The following UBE2M variants were observed in gnomAD, a reference collection of about 807,000 sequenced individuals.
The protein encoded by UBE2M is NEDD8-conjugating enzyme Ubc12.
UBE2M carries 2 observed loss-of-function variants against 23.5 expected under a neutral mutation model. The observed-to-expected ratio is 0.09, with a 90% CI of 0.03 to 0.27. UBE2M has a LOEUF of 0.27. Ranked by LOEUF, UBE2M falls within the 10% of genes least tolerant of loss-of-function variation. The pLI is 1.00. For missense variants in UBE2M, 103 were observed against 232.9 expected, an observed-to-expected ratio of 0.44 and a Z score of 3.63; for synonymous variants, 97 against 95.2, an observed-to-expected ratio of 1.02 and a Z score of -0.11.
chr19:58,557,974 A>C (rs2053903588), intron 1 of UBE2M, among the ~76,000 whole-genome samples: 1 of 150,760 alleles, frequency 6.6e-6, no homozygotes, highest in Admixed American at 6.6e-5. Flanking sequence ...TAACCCCCAG[A>C]CTCTCGAGTC....
intron 2 of UBE2M, 37 bp downstream of exon 2, chr19:58,557,026 G>A (rs763643174): frequency 6.2e-7 from 1 of 1,613,806 alleles, no homozygotes; most frequent in South Asian, 1.1e-5. Flanking sequence ...GGACACCCTT[G>A]GTTTGCTCCT....
In UBE2M at chr19:58,556,396, T is replaced by TTA. The variant is rs758645653; in HGVS notation, c.348-18_348-17insTA. 3 of 1,612,906 alleles carry TTA rather than the reference T, an allele frequency of 1.9e-6. No homozygotes were observed. Among genetic ancestry groups the TTA allele is most frequent in the Admixed American group, 3.3e-5 (2 of 60,006 alleles). On this transcript the variant is annotated splice_polypyrimidine_tract_variant and intron_variant, in intron 4 of 5. Transcript: ENST00000253023. The surrounding 1 kb of genome is among the most constrained non-coding windows in gnomAD (Gnocchi z 4.9). The stretch of plus-strand genomic sequence containing the variant: ...CAGTCCTCTCTGTGGACAGAGAGCA[T>TTA]CAGGGTCAGGGCTTGGTGAGTGGGA...
rs750499185 is a variant in UBE2M, at chr19:58,558,425, C to T, written c.-44G>A. The stretch of plus-strand genomic sequence containing the variant: ...GCTGCCGCCGCCGCGGGGCCCGGGA[C>T]CCCGGCCACCCGGCCCCCCGCCGCC... On this transcript the variant is annotated 5_prime_UTR_variant, in exon 1 of 6. Coordinates refer to ENST00000253023, the MANE Select transcript of UBE2M (RefSeq NM_003969.4). The surrounding 1 kb of genome is among the most constrained non-coding windows in gnomAD (Gnocchi z 4.7). 3.0e-6 allele frequency: 3 copies of T among 1,006,724 alleles called. No individual in the cohort carries two copies. Among genetic ancestry groups the T allele is most frequent in the African/African-American group, 1.8e-5 (1 of 57,020 alleles). 62.4% of individuals were successfully genotyped at this position (1,006,724 alleles called of 1,614,324 possible). A position where few individuals can be genotyped will look rare whatever the true frequency, so the allele number is the denominator to read the frequency against.
rs555141749 is a variant in UBE2M, at chr19:58,558,405, C to A, written c.-24G>T. On this transcript the variant is annotated 5_prime_UTR_variant, in exon 1 of 6. Coordinates refer to ENST00000253023, the MANE Select transcript of UBE2M (RefSeq NM_003969.4). This position sits in a 1 kb window ranked among gnomAD's most constrained non-coding sequence, Gnocchi z 4.7. ...ATCCTGCCGCCGCCGCCGCCGCTGC[C>A]GCCGCCGCGGGGCCCGGGACCCCGG... 3 of 1,278,046 alleles carry A rather than the reference C, an allele frequency of 2.3e-6. No homozygotes were observed. The highest frequency in any genetic ancestry group is 3.1e-5 in the African/African-American group (2 of 64,356). The allele number at this position is 1,278,046 out of a possible 1,614,324, so 79.2% of individuals were successfully genotyped here.
chr19:58,558,222 CA>C lies in UBE2M; in HGVS notation c.109+50del. 6.6e-7 allele frequency: 1 copy of C among 1,519,998 alleles called. No individual in the cohort carries two copies. The allele number at this position is 1,519,998 out of a possible 1,614,324, so 94.2% of individuals were successfully genotyped here. On this transcript the variant is annotated intron_variant, in intron 1 of 5. Coordinates refer to ENST00000253023, the MANE Select transcript of UBE2M (RefSeq NM_003969.4). The surrounding 1 kb of genome is among the most constrained non-coding windows in gnomAD (Gnocchi z 4.7). ...TCCTGACTCCCACATCACCCTGCCT[CA>C]GGCCCTGACCTCCGACCTCCGGCTC...
Position 58,557,084 on chromosome 19 carries a change from C to T in UBE2M, c.183G>A (p.Lys61=). ...FSDPDDLLNF[K]LVICPDEGFY... ...TCACCTCATCAGGACAGATGACCAG[C>T]TTGAAGTTGAGGAGGTCGTCTGGAT... Residue 61 remains lysine (K), a synonymous_variant, in exon 2 of 6, where the codon AAG becomes AAA. Transcript: ENST00000253023. 2 of 1,614,026 alleles carry T rather than the reference C, an allele frequency of 1.2e-6. No homozygotes were observed. The highest frequency in any genetic ancestry group is 1.7e-6 in the Non-Finnish European group (2 of 1,179,960).
Position 58,557,176 on chromosome 19 carries a change from G to A in UBE2M, c.110-19C>T, listed in dbSNP as rs748542564. 13 of 1,612,120 alleles carry A rather than the reference G, an allele frequency of 8.1e-6. No individual in the cohort carries two copies. The highest frequency in any genetic ancestry group is 8.5e-7 in the Non-Finnish European group (1 of 1,178,596). ...TTTATGTCTGGGTTTGGGTAGCAGA[G>A]AGTCGGGAACAGAAAGAGGGAGGGG... is the stretch of plus-strand genomic sequence containing the variant. On this transcript the variant is annotated intron_variant, in intron 1 of 5. Coordinates refer to ENST00000253023, the MANE Select transcript of UBE2M (RefSeq NM_003969.4).
At position 58,556,068 on chromosome 19, in the gene UBE2M, G is replaced by A. The variant is rs759170283; in HGVS notation, c.*21C>T. ...GGATGCCAGGGCTTGTGGCCGTGGC[G>A]GGGGTGGGTATGCGCCAACCCTATT... On this transcript the variant is annotated 3_prime_UTR_variant, in exon 6 of 6. Coordinates refer to ENST00000253023, the MANE Select transcript of UBE2M (RefSeq NM_003969.4). This position sits in a 1 kb window ranked among gnomAD's most constrained non-coding sequence, Gnocchi z 4.9. 7.5e-6 allele frequency: 12 copies of A among 1,589,996 alleles called. No homozygotes were observed. Among genetic ancestry groups the A allele is most frequent in the Admixed American group, 1.7e-5 (1 of 59,632 alleles).
At position 58,556,243 on chromosome 19, in the gene UBE2M, A is replaced by C; in HGVS notation, c.412-14T>G. The C allele has an allele frequency of 1.2e-6, 2 of 1,613,832 alleles. No homozygotes were observed. The highest frequency in any genetic ancestry group is 1.7e-6 in the Non-Finnish European group (2 of 1,179,748). On this transcript the variant is annotated splice_polypyrimidine_tract_variant and intron_variant, in intron 5 of 5. Transcript: ENST00000253023. The surrounding 1 kb of genome is among the most constrained non-coding windows in gnomAD (Gnocchi z 4.9). ...GGGGTTGGGCTCCTGTGGCCAGTAC[A>C]GGTAGGGGGGGTCAACAGGCCAGAG... is the stretch of plus-strand genomic sequence containing the variant.
intron 1 of UBE2M, 144 bp from the exon 2 acceptor site, chr19:58,557,301 T>A (rs2053898326): frequency 6.5e-6 from 5 of 773,710 alleles, no homozygotes; most frequent in Non-Finnish European, 1.1e-5. Context: ...TCTCCTGGGC[T>A]GTGCTCCACA....
rs1300924232 is a variant in UBE2M, at chr19:58,555,843, CA to C, written c.*245del. ...GAGTGGGGGCTGAACAAGCACCCAGCAGGGGGGCTAGACAAGCCAATTCATT... is the reference window on the plus strand; with the variant it reads ...GAGTGGGGGCTGAACAAGCACCCAGCGGGGGGCTAGACAAGCCAATTCATT... On this transcript the variant is annotated 3_prime_UTR_variant, in exon 6 of 6. Transcript: ENST00000253023. 1.3e-5 allele frequency: 7 copies of C among 557,940 alleles called. No homozygotes were observed. The African/African-American group carries it at 1.3e-4, about 11-fold the overall frequency. The allele number at this position is 557,940 out of a possible 1,614,324, so 34.6% of individuals were successfully genotyped here.
rs1279779616 is a variant in UBE2M, at chr19:58,556,813, G to C, written c.244-23C>G. 1 of 1,608,878 alleles carries C rather than the reference G, an allele frequency of 6.2e-7. No individual in the cohort carries two copies. The highest frequency in any genetic ancestry group is 1.7e-5 in the Admixed American group (1 of 58,828). ...CACCTGGCTCCAGGAAAAGAAAAGA[G>C]AGATGGGTAGGTGCCTGGAAGGGCC... On this transcript the variant is annotated intron_variant, in intron 3 of 5. Transcript: ENST00000253023. The surrounding 1 kb of genome is among the most constrained non-coding windows in gnomAD (Gnocchi z 4.9).
chr19:58,557,229 A>G, intron 1 of UBE2M, 72 bp from the exon 2 acceptor site: 1 of 1,477,230 alleles, frequency 6.8e-7, no homozygotes, highest in Non-Finnish European at 9.5e-7. Context: ...AGCCAGCAGG[A>G]CACTTAGGGC....
At position 58,558,370 on chromosome 19, in the gene UBE2M, C is replaced by A. The variant is rs2122659264; in HGVS notation, c.12G>T (p.Leu4=). The A allele has an allele frequency of 1.3e-6, 2 of 1,499,160 alleles. No homozygotes were observed. The highest frequency in any genetic ancestry group is 1.8e-4 in the Middle Eastern group (1 of 5,698). The allele number at this position is 1,499,160 out of a possible 1,614,324, so 92.9% of individuals were successfully genotyped here. A position where few individuals can be genotyped will look rare whatever the true frequency, so the allele number is the denominator to read the frequency against. The change falls in exon 1 of 6, where the codon CTG becomes CTT. Residue 4 remains leucine (L), a synonymous_variant. Transcript: ENST00000253023. This position sits in a 1 kb window ranked among gnomAD's most constrained non-coding sequence, Gnocchi z 4.7. MIK[L]FSLKQQKKEE... is the part of the protein sequence containing the mutation. ...CCTTCTTCTGCTGCTTCAGCGAGAACAGCTTGATCATCCTGCCGCCGCCGC... is the reference window on the plus strand; with the variant it reads ...CCTTCTTCTGCTGCTTCAGCGAGAAAAGCTTGATCATCCTGCCGCCGCCGC...
At position 58,556,044 on chromosome 19, in the gene UBE2M, G is replaced by T. The variant is rs772102880; in HGVS notation, c.*45C>A. On this transcript the variant is annotated 3_prime_UTR_variant, in exon 6 of 6. Transcript: ENST00000253023. The surrounding 1 kb of genome is among the most constrained non-coding windows in gnomAD (Gnocchi z 4.9). ...TGGCCCCCAATAAATATTTGCAGGGGATGCCAGGGCTTGTGGCCGTGGCGG... is the reference window on the plus strand; with the variant it reads ...TGGCCCCCAATAAATATTTGCAGGGTATGCCAGGGCTTGTGGCCGTGGCGG... 4 of 1,584,838 alleles carry T rather than the reference G, an allele frequency of 2.5e-6. No homozygotes were observed. Among genetic ancestry groups the T allele is most frequent in the Non-Finnish European group, 3.4e-6 (4 of 1,159,532 alleles).
rs1441039980 is a variant in UBE2M, at chr19:58,556,910, C to T, written c.225G>A (p.Lys75=). 1 of 1,614,106 alleles carries T rather than the reference C, an allele frequency of 6.2e-7. No individual in the cohort carries two copies. Reference sequence around the variant, plus strand: ...GACTCACCTTAAAACTGAACACAAACTTCCCACTCTTGTAGAAGCCCTGGG... The same window carrying T: ...GACTCACCTTAAAACTGAACACAAATTTCCCACTCTTGTAGAAGCCCTGGG... ...CPDEGFYKSG[K]FVFSFKVGQG... is the part of the protein sequence containing the mutation. Residue 75 remains lysine, a synonymous_variant, in exon 3 of 6, where the codon AAG becomes AAA. Transcript: ENST00000253023. The surrounding 1 kb of genome is among the most constrained non-coding windows in gnomAD (Gnocchi z 4.9).
rs200322455 is a variant in UBE2M at position 58,556,704 on chromosome 19, G to A, written c.330C>T (p.Val110=). 6.5e-7 allele frequency: 1 copy of A among 1,529,898 alleles called. No homozygotes were observed. Among genetic ancestry groups the A allele is most frequent in the East Asian group, 2.3e-5 (1 of 44,256 alleles). The allele number at this position is 1,529,898 out of a possible 1,614,324, so 94.8% of individuals were successfully genotyped here. A position where few individuals can be genotyped will look rare whatever the true frequency, so the allele number is the denominator to read the frequency against. Residue 110 remains valine (V), a synonymous_variant, in exon 4 of 6, where the codon GTC becomes GTT. Transcript: ENST00000253023. The surrounding 1 kb of genome is among the most constrained non-coding windows in gnomAD (Gnocchi z 4.9). The stretch of plus-strand genomic sequence containing the variant: ...GTCCTCACCTGAGGATGTTGAGGCA[G>A]ACGTTGCCCTCGAGGTCAATGTTGG... ...YHPNIDLEGN[V]CLNILREDWK...
In UBE2M at chr19:58,558,175, C is replaced by A; in HGVS notation, c.109+98G>T. ...ACGCTCGGGGCCCTTCACCTCTGAC[C>A]CTCAGCAACCGCATTACCCCTTCCT... On this transcript the variant is annotated intron_variant, in intron 1 of 5. Coordinates refer to ENST00000253023, the MANE Select transcript of UBE2M (RefSeq NM_003969.4). The surrounding 1 kb of genome is among the most constrained non-coding windows in gnomAD (Gnocchi z 4.7). 2 of 1,077,786 alleles carry A rather than the reference C, an allele frequency of 1.9e-6. No homozygotes were observed. The highest frequency in any genetic ancestry group is 2.5e-5 in the Admixed American group (1 of 39,866). The allele number at this position is 1,077,786 out of a possible 1,614,324, so 66.8% of individuals were successfully genotyped here.
chr19:58,556,934 G>A lies in UBE2M; in HGVS notation c.205-4C>T, dbSNP rs530978456. 3 of 1,614,050 alleles carry A rather than the reference G, an allele frequency of 1.9e-6. No individual in the cohort carries two copies. Among genetic ancestry groups the A allele is most frequent in the African/African-American group, 2.7e-5 (2 of 74,992 alleles). On this transcript the variant is annotated splice_polypyrimidine_tract_variant and splice_region_variant and intron_variant, in intron 2 of 5. Transcript: ENST00000253023. The surrounding 1 kb of genome is among the most constrained non-coding windows in gnomAD (Gnocchi z 4.9). Reference sequence around the variant, plus strand: ...ACTTCCCACTCTTGTAGAAGCCCTGGGAGGAAAAGGGGGAGAAGAAAATTT... The same window carrying A: ...ACTTCCCACTCTTGTAGAAGCCCTGAGAGGAAAAGGGGGAGAAGAAAATTT...
Sources: gnomAD v4.1 joint callset for allele counts (sites outside exome capture counted in the v4.1 genomes callset) on GRCh38, gnomAD v4.1.1 for gene constraint, Gnocchi (gnomAD v3.1) non-coding constraint, MANE v1.5 for transcripts, NCBI Gene and HGNC (gene_info 2026-07-23, HGNC 2026-07-21) for gene names.